PIAS4: variants seen among roughly 807,000 people sequenced by gnomAD.
The protein encoded by PIAS4 is E3 SUMO-protein ligase PIAS4.
In PIAS4, 7 loss-of-function variants were observed where a neutral mutation model predicts 58.0. That is an observed-to-expected ratio of 0.12 (90% confidence interval 0.07 to 0.23). The LOEUF is 0.23. PIAS4 is among the 10% of genes least tolerant of loss of function. PIAS4 has a pLI of 1.00. For synonymous variants in PIAS4, 364 were observed against 312.4 expected, an observed-to-expected ratio of 1.17 and a Z score of -1.74; for missense variants, 550 against 709.5, an observed-to-expected ratio of 0.78 and a Z score of 2.55.
At chr19:4,030,719 C>T (rs796416262) in intron 7 of PIAS4, among the ~76,000 whole-genome samples, 2 of 152,286 alleles carry the variant, frequency 1.3e-5, no homozygotes, top group South Asian at 2.1e-4. Context: ...CCCTGCCTGG[C>T]GGCTGTGTGG....
intron 2 of PIAS4, among the ~76,000 whole-genome samples, chr19:4,015,619 A>G (rs760656521): frequency 1.1e-4 from 16 of 152,056 alleles, no homozygotes; most frequent in Non-Finnish European, 2.1e-4. Context: ...AGTGGTCCCC[A>G]TGGTTTTAGG....
At chr19:4,035,950 A>G (rs2040274404) in intron 9 of PIAS4, among the ~76,000 whole-genome samples, 1 of 109,960 alleles carries the variant, frequency 9.1e-6, no homozygotes, top group African/African-American at 3.1e-5. Context: ...AGTCCACACC[A>G]TAACACACAC....
chr19:4,009,087 CT>C (rs2039969353), intron 1 of PIAS4, among the ~76,000 whole-genome samples: 1 of 152,102 alleles, frequency 6.6e-6, no homozygotes, highest in African/African-American at 2.4e-5. Flanking sequence ...GTCTAAAACC[CT>C]TAGAAGTGCC....
At chr19:4,009,201 G>A (rs1233561478) in intron 1 of PIAS4, among the ~76,000 whole-genome samples, 4 of 151,778 alleles carry the variant, frequency 2.6e-5, no homozygotes, top group African/African-American at 7.3e-5. Context: ...TCTTCTTCTC[G>A]GTCCTCTCAC....
Position 4,032,987 on chromosome 19 carries a change from C to T in PIAS4, c.908-113C>T, listed in dbSNP as rs73918114. 12,846 of 830,586 alleles carry T rather than the reference C, an allele frequency of 0.015. 1,079 individuals carry two copies. The African/African-American group carries it at 0.19, about 12-fold the overall frequency. The allele number at this position is 830,586 out of a possible 1,614,324, so 51.5% of individuals were successfully genotyped here. On this transcript the variant is annotated intron_variant, in intron 7 of 10. Transcript: ENST00000262971. The stretch of plus-strand genomic sequence containing the variant: ...CCACACAGCGAAGCTTGGGACTCAT[C>T]GTCAGGGGCCTGTTCTGGGAGGTGG...
intron 8 of PIAS4, 40 bp from the exon 9 acceptor site, chr19:4,033,380 A>G (rs1276542512): frequency 4.6e-6 from 7 of 1,531,414 alleles, no homozygotes; most frequent in East Asian, 4.9e-5. Flanking sequence ...GGCGGGCACA[A>G]CAGGAGGGGT....
At position 4,033,188 on chromosome 19, in the gene PIAS4, G is replaced by C; in HGVS notation, c.981+15G>C. On this transcript the variant is annotated intron_variant, in intron 8 of 10. Coordinates refer to ENST00000262971, the MANE Select transcript of PIAS4 (RefSeq NM_015897.4). ...TCATCTGTCCGGTGAGTCGGGGCGC[G>C]GTCCCCTCCTCGAGGCCTCTCCTGC... 1 of 1,603,114 alleles carries C rather than the reference G, an allele frequency of 6.2e-7. No homozygotes were observed. The highest frequency in any genetic ancestry group is 8.5e-7 in the Non-Finnish European group (1 of 1,176,012).
intron 2 of PIAS4, among the ~76,000 whole-genome samples, chr19:4,015,124 TC>T (rs1195951284): frequency 5.3e-5 from 8 of 152,168 alleles, no homozygotes; most frequent in Non-Finnish European, 1.0e-4. Flanking sequence ...CTGAGTTCCA[TC>T]GGACTGACTT....
At chr19:4,023,513 G>A (rs867980324) in intron 2 of PIAS4, among the ~76,000 whole-genome samples, 2 of 152,190 alleles carry the variant, frequency 1.3e-5, no homozygotes, top group Admixed American at 6.5e-5. Flanking sequence ...TTCTGACTGC[G>A]CCTCTGCCTG....
At chr19:4,008,213 C>T (rs887810213) in intron 1 of PIAS4, among the ~76,000 whole-genome samples, 3 of 152,092 alleles carry the variant, frequency 2.0e-5, no homozygotes, top group Non-Finnish European at 4.4e-5. Context: ...AGTGTCTGCG[C>T]CTCCCCGCCC....
At position 4,039,308 on chromosome 19, in the gene PIAS4, AGGCCGCT is replaced by A. The variant is rs1183167790; in HGVS notation, c.*1435_*1441del. On this transcript the variant is annotated 3_prime_UTR_variant, in exon 11 of 11. Coordinates refer to ENST00000262971, the MANE Select transcript of PIAS4 (RefSeq NM_015897.4). ...CCCTCCCGCCCGCACGGGCAGCTGA[AGGCCGCT>A]GTTTTCTAATATTTGTATTCTAATT... 3 of 152,394 alleles carry A rather than the reference AGGCCGCT, an allele frequency of 2.0e-5. No homozygotes were observed. The highest frequency in any genetic ancestry group is 7.2e-5 in the African/African-American group (3 of 41,596). The allele number at this position is 152,394 out of a possible 1,614,324, so 9.4% of individuals were successfully genotyped here. A position where few individuals can be genotyped will look rare whatever the true frequency, so the allele number is the denominator to read the frequency against.
chr19:4,029,088 C>A, intron 7 of PIAS4, 52 bp downstream of exon 7: 1 of 1,354,916 alleles, frequency 7.4e-7, no homozygotes, highest in Non-Finnish European at 1.0e-6. Flanking sequence ...ACCCTGGAAA[C>A]CCGCCCTGTG....
intron 2 of PIAS4, chr19:4,018,391 C>T (rs1425742470): frequency 2.0e-5 from 3 of 152,240 alleles, no homozygotes; most frequent in South Asian, 4.1e-4. Flanking sequence ...AGCAGCATCT[C>T]GTGAGGCTCC....
chr19:4,032,779 C>T (rs551844792), intron 7 of PIAS4, among the ~76,000 whole-genome samples: 4 of 152,196 alleles, frequency 2.6e-5, no homozygotes, highest in Non-Finnish European at 5.9e-5. Flanking sequence ...ATGACTCTTT[C>T]GGTGGCTGTG....
chr19:4,027,161 T>C (rs1028139082), intron 3 of PIAS4, among the ~76,000 whole-genome samples: 4 of 152,198 alleles, frequency 2.6e-5, no homozygotes, highest in Admixed American at 2.6e-4. Context: ...CTAATTTTTG[T>C]ATTTTTAGTA....
At chr19:4,034,010 G>A (rs951490308) in intron 9 of PIAS4, among the ~76,000 whole-genome samples, 1 of 152,094 alleles carries the variant, frequency 6.6e-6, no homozygotes, top group Admixed American at 6.5e-5. Flanking sequence ...GCTACGCCAT[G>A]CCCTTCCCTT....
rs1337513495 is a variant in PIAS4 at position 4,013,464 on chromosome 19, C to T, written c.454+115C>T. The T allele has an allele frequency of 1.6e-5, 15 of 934,510 alleles. No individual in the cohort carries two copies. The highest frequency in any genetic ancestry group is 2.4e-5 in the Non-Finnish European group (15 of 625,216). The allele number at this position is 934,510 out of a possible 1,614,324, so 57.9% of individuals were successfully genotyped here. ...GATGTTCTCTGTGGCGCAGCCAGGG[C>T]GGGGAGCCACAGTGGCCAGGGGTGT... On this transcript the variant is annotated intron_variant, in intron 2 of 10. Transcript: ENST00000262971. This position sits in a 1 kb window ranked among gnomAD's most constrained non-coding sequence, Gnocchi z 5.1.
chr19:4,033,081 T>A lies in PIAS4; in HGVS notation c.908-19T>A. 1 of 1,607,970 alleles carries A rather than the reference T, an allele frequency of 6.2e-7. No homozygotes were observed. Among genetic ancestry groups the A allele is most frequent in the Non-Finnish European group, 8.5e-7 (1 of 1,176,952 alleles). ...CTGTTCCCACCCTCCTGACGGTGTC[T>A]TCCGTTCCCTCCCCACAGTCAAGGA... is the stretch of plus-strand genomic sequence containing the variant. On this transcript the variant is annotated intron_variant, in intron 7 of 10. Coordinates refer to ENST00000262971, the MANE Select transcript of PIAS4 (RefSeq NM_015897.4).
intron 7 of PIAS4, among the ~76,000 whole-genome samples, chr19:4,030,802 C>T (rs1308677626): frequency 6.6e-6 from 1 of 152,090 alleles, no homozygotes; most frequent in Admixed American, 6.6e-5. Flanking sequence ...CTTGAGGGCA[C>T]CTGGACATCT....
Sources: allele counts gnomAD v4.1 joint callset (sites outside exome capture counted in the v4.1 genomes callset), GRCh38; gene constraint gnomAD v4.1.1; non-coding constraint Gnocchi (gnomAD v3.1); transcripts MANE v1.5; gene names NCBI Gene and HGNC (gene_info 2026-07-23, HGNC 2026-07-21).